Variants in KDM4C observed in about 807,000 individuals in gnomAD.
KDM4C encodes the protein lysine demethylase 4C.
A neutral mutation model predicts 129.3 loss-of-function variants in KDM4C; 81 were observed. The ratio of observed to expected loss-of-function variants is 0.63; its 90% confidence interval spans 0.52 to 0.75. KDM4C has a LOEUF of 0.75. Among genes scored for constraint, KDM4C ranks in the 30% least tolerant of loss-of-function variants. The pLI is 0.00. For synonymous variants in KDM4C, 573 were observed against 456.1 expected (o/e 1.26, Z -3.26); for missense variants, 1,457 against 1,304.0 (o/e 1.12, Z -1.81).
intron 4 of KDM4C, among the ~76,000 whole-genome samples, chr9:6,844,027 G>T (rs1441529733): frequency 2.6e-5 from 4 of 152,012 alleles, no homozygotes; most frequent in Non-Finnish European, 5.9e-5. Context: ...TAGAGATGAG[G>T]TCTCTCTCTT....
At chr9:6,767,843 C>G (rs1820946083) in intron 1 of KDM4C, among the ~76,000 whole-genome samples, 1 of 152,090 alleles carries the variant, frequency 6.6e-6, no homozygotes, top group Non-Finnish European at 1.5e-5. Context: ...CTATAATATT[C>G]AGGCAGCTTT....
chr9:6,929,005 C>T (rs1823157628), intron 8 of KDM4C, among the ~76,000 whole-genome samples: 1 of 152,204 alleles, frequency 6.6e-6, no homozygotes, highest in African/African-American at 2.4e-5. Context: ...CGTACCTGTG[C>T]TGCTTCATCT....
intron 3 of KDM4C, among the ~76,000 whole-genome samples, chr9:6,806,741 T>C (rs1288712047): frequency 6.6e-6 from 1 of 152,068 alleles, no homozygotes; most frequent in Non-Finnish European, 1.5e-5. Context: ...TTCCTTGTCA[T>C]ATGGACTGCT....
At chr9:6,964,024 T>C (rs1830472187) in intron 8 of KDM4C, among the ~76,000 whole-genome samples, 1 of 146,930 alleles carries the variant, frequency 6.8e-6, no homozygotes, top group African/African-American at 2.4e-5. Flanking sequence ...AACATAACTC[T>C]GATGTTAATA....
chr9:6,930,023 T>TA (rs1823380039), intron 8 of KDM4C, among the ~76,000 whole-genome samples: 1 of 152,232 alleles, frequency 6.6e-6, no homozygotes, highest in Non-Finnish European at 1.5e-5. Context: ...TTTTAACTCT[T>TA]ACTGGTGTAA....
chr9:6,783,854 T>C (rs1013733516), intron 1 of KDM4C, among the ~76,000 whole-genome samples: 4 of 152,090 alleles, frequency 2.6e-5, no homozygotes, highest in African/African-American at 9.7e-5. Context: ...AGATTGCAGA[T>C]GAAGATTTGA....
At position 7,170,822 on chromosome 9, in the gene KDM4C, G is replaced by A. The variant is rs112129842; in HGVS notation, c.2994+932G>A. 208 of 959,302 alleles carry A rather than the reference G, an allele frequency of 2.2e-4. 2 individuals carry two copies. In the African/African-American group the frequency reaches 3.4e-3, roughly 15 times the overall value. The allele number at this position is 959,302 out of a possible 1,614,324, so 59.4% of individuals were successfully genotyped here. A position where few individuals can be genotyped will look rare whatever the true frequency, so the allele number is the denominator to read the frequency against. On this transcript the variant is annotated intron_variant, in intron 21 of 21. Coordinates refer to ENST00000381309, the MANE Select transcript of KDM4C (RefSeq NM_015061.6). ...AAAACCAAGGGTTTTCTTAAATCAG[G>A]GATGTCCAATCTTTTTGCATCCCTG... is the stretch of plus-strand genomic sequence containing the variant.
chr9:6,745,957 G>C (rs1051117731), intron 1 of KDM4C, among the ~76,000 whole-genome samples: 16 of 151,682 alleles, frequency 1.1e-4, no homozygotes, highest in African/African-American at 3.6e-4. Context: ...TTACAGGCAT[G>C]TGCCACCATA....
At chr9:6,731,382 A>G (rs2130213190) in intron 1 of KDM4C, among the ~76,000 whole-genome samples, 1 of 134,584 alleles carries the variant, frequency 7.4e-6, no homozygotes, top group Admixed American at 9.1e-5. Flanking sequence ...GCTGGAGTGC[A>G]ATGGCACGAT....
Position 7,143,134 on chromosome 9 carries a change from TACTGACCC to T in KDM4C, c.2781+14899_2781+14906del, listed in dbSNP as rs572337382. On this transcript the variant is annotated intron_variant, in intron 19 of 21. Coordinates refer to ENST00000381309, the MANE Select transcript of KDM4C (RefSeq NM_015061.6). ...GCTGTTCCAGTACCAGCATCGCTTA[TACTGACCC>T]CACTTTCAGGTGCCCACTTACCCTG... Among the ~76,000 whole-genome samples the T allele has an allele frequency of 1.5e-3, 227 of 152,326 alleles. 1 individual carries two copies. The highest frequency in any genetic ancestry group is 5.2e-3 in the African/African-American group (215 of 41,572).
At chr9:7,089,847 G>A (rs1240892538) in intron 17 of KDM4C, among the ~76,000 whole-genome samples, 1 of 152,218 alleles carries the variant, frequency 6.6e-6, no homozygotes, top group Non-Finnish European at 1.5e-5. Flanking sequence ...CAGATTTGGT[G>A]GGTGCTGCTT....
chr9:6,901,102 G>A (rs920850307), intron 8 of KDM4C, among the ~76,000 whole-genome samples: 2 of 152,172 alleles, frequency 1.3e-5, no homozygotes, highest in South Asian at 2.1e-4. Flanking sequence ...GCAAAAGTTG[G>A]TAGTGTGTTT....
chr9:6,973,179 A>G (rs947295620), intron 8 of KDM4C, among the ~76,000 whole-genome samples: 3 of 152,050 alleles, frequency 2.0e-5, no homozygotes, highest in African/African-American at 7.2e-5. Flanking sequence ...AGTTGTTTTC[A>G]TTTTCTTATT....
chr9:6,725,798 C>T (rs1817106403), intron 1 of KDM4C, among the ~76,000 whole-genome samples: 1 of 150,810 alleles, frequency 6.6e-6, no homozygotes, highest in Non-Finnish European at 1.5e-5. Flanking sequence ...CAACCTCCAC[C>T]TCCGTGGTTC....
chr9:7,114,218 A>C (rs1405538487), intron 18 of KDM4C, among the ~76,000 whole-genome samples: 1 of 152,070 alleles, frequency 6.6e-6, no homozygotes. Flanking sequence ...GTAGTTTGGG[A>C]AGCACCTGTA....
chr9:6,917,458 C>T (rs1820529434), intron 8 of KDM4C, among the ~76,000 whole-genome samples: 2 of 152,192 alleles, frequency 1.3e-5, no homozygotes, highest in South Asian at 4.1e-4. Context: ...CCTTTGGTTT[C>T]ACACCTTGCC....
At position 6,802,291 on chromosome 9, in the gene KDM4C, C is replaced by T. The variant is rs930351343; in HGVS notation, c.145-3308C>T. ...GAAGGTGTGGAGGAATGGGAACTCT[C>T]GTATATTGCAGTTGGGAGTGCAAAT... On this transcript the variant is annotated intron_variant, in intron 2 of 21. Transcript: ENST00000381309. Among the ~76,000 whole-genome samples, 6 of 152,228 alleles carry T rather than the reference C, an allele frequency of 3.9e-5. No individual in the cohort carries two copies. The East Asian group carries it at 5.8e-4, about 15-fold the overall frequency.
At position 6,833,044 on chromosome 9, in the gene KDM4C, G is replaced by C. The variant is rs72701433; in HGVS notation, c.436-16463G>C. 2.8e-3 allele frequency among the ~76,000 whole-genome samples: 419 copies of C among 151,996 alleles called. 1 individual carries two copies. The highest frequency in any genetic ancestry group is 5.2e-3 in the Non-Finnish European group (352 of 67,984). ...AGCCACTGTGCCTGGTCGTAAAGTA[G>C]TATAGATTATTGTGTTTTAAATTTT... On this transcript the variant is annotated intron_variant, in intron 4 of 21. Coordinates refer to ENST00000381309, the MANE Select transcript of KDM4C (RefSeq NM_015061.6).
intron 8 of KDM4C, among the ~76,000 whole-genome samples, chr9:6,896,476 T>C (rs1301750751): frequency 2.7e-5 from 4 of 150,890 alleles, no homozygotes; most frequent in African/African-American, 9.7e-5. Context: ...CTATGAAATA[T>C]ATATATATAT....
Sources: allele counts gnomAD v4.1 joint callset (sites outside exome capture counted in the v4.1 genomes callset), GRCh38; gene constraint gnomAD v4.1.1; transcripts MANE v1.5; gene names NCBI Gene and HGNC (gene_info 2026-07-23, HGNC 2026-07-21).